The following EIF4ENIF1 variants were observed in gnomAD, a reference collection of about 807,000 sequenced individuals.
EIF4ENIF1 encodes the protein eukaryotic translation initiation factor 4E transporter.
EIF4ENIF1 carries 23 observed loss-of-function variants against 110.5 expected under a neutral mutation model. The ratio of observed to expected loss-of-function variants is 0.21; its 90% CI spans 0.15 to 0.29. The LOEUF (loss-of-function observed/expected upper bound fraction) is 0.29, where lower values mean the gene tolerates loss of function less well. Among genes scored for constraint, EIF4ENIF1 ranks in the 10% least tolerant of loss-of-function variants. The pLI, the probability that EIF4ENIF1 is intolerant of heterozygous loss-of-function variation, is 1.00. For missense variants in EIF4ENIF1, 1,031 were observed against 1,221.1 expected, an observed-to-expected ratio of 0.84 and a Z score of 2.32; for synonymous variants, 440 against 437.0, an observed-to-expected ratio of 1.01 and a Z score of -0.09.
Position 31,445,953 on chromosome 22 carries a change from GCCCCC to G in EIF4ENIF1, c.1989-1268_1989-1264del. On this transcript the variant is annotated intron_variant, in intron 14 of 18. Transcript: ENST00000330125. The stretch of plus-strand genomic sequence containing the variant: ...TATCTGTAAAATGCAGTTACGTACC[GCCCCC>G]CCCCCCCATCTACCTCACAGGGTTG... 4.1e-5 allele frequency among the ~76,000 whole-genome samples: 4 copies of G among 97,452 alleles called. No homozygotes were observed. The Middle Eastern group carries it at 0.022, about 530-fold the overall frequency. The allele number at this position is 97,452 out of a possible 152,430, so 63.9% of individuals were successfully genotyped here.
intron 14 of EIF4ENIF1, among the ~76,000 whole-genome samples, chr22:31,445,940 G>GTAAAAT (rs1272923394): frequency 6.8e-6 from 1 of 147,552 alleles, no homozygotes. Context: ...TCTGTAAAAT[G>GTAAAAT]CAGTTACGTA....
At chr22:31,487,459 CCAAT>C (rs1388400676) in intron 2 of EIF4ENIF1, among the ~76,000 whole-genome samples, 1 of 152,120 alleles carries the variant, frequency 6.6e-6, no homozygotes, top group Non-Finnish European at 1.5e-5. Flanking sequence ...AAAGCATTAA[CCAAT>C]CAGTATCCCA....
chr22:31,471,013 G>A (rs145342461), intron 3 of EIF4ENIF1, among the ~76,000 whole-genome samples: 23 of 147,272 alleles, frequency 1.6e-4, no homozygotes, highest in African/African-American at 4.8e-4. Context: ...ACTCTGTCTC[G>A]GACAAAAAAA....
In EIF4ENIF1 at chr22:31,471,565, T is replaced by C. The variant is rs996790434; in HGVS notation, c.170+279A>G. On this transcript the variant is annotated intron_variant, in intron 3 of 18. Transcript: ENST00000330125. ...TCCTGACCTCGTGATCCGCCTGCCTTGGCCTCCCAAAGTGCTGGGATTACA... is the reference window on the plus strand; with the variant it reads ...TCCTGACCTCGTGATCCGCCTGCCTCGGCCTCCCAAAGTGCTGGGATTACA... 2.0e-4 allele frequency among the ~76,000 whole-genome samples: 30 copies of C among 152,158 alleles called. 1 individual carries two copies. The highest frequency in any genetic ancestry group is 1.9e-3 in the Admixed American group (29 of 15,266).
At chr22:31,447,646 A>G in intron 13 of EIF4ENIF1, 81 bp from the exon 14 acceptor site, 1 of 1,467,746 alleles carries the variant, frequency 6.8e-7, no homozygotes, top group East Asian at 2.4e-5. Flanking sequence ...ACTCTTAGAA[A>G]GGTATGTTAA....
intron 3 of EIF4ENIF1, among the ~76,000 whole-genome samples, chr22:31,469,291 T>C (rs930581977): frequency 1.3e-5 from 2 of 152,184 alleles, no homozygotes; most frequent in Non-Finnish European, 2.9e-5. Context: ...GACCAGGCCA[T>C]GCTATACACT....
intron 17 of EIF4ENIF1, among the ~76,000 whole-genome samples, chr22:31,441,550 GAAAAAAA>G (rs771597260): frequency 7.0e-4 from 46 of 65,254 alleles, no homozygotes; most frequent in Middle Eastern, 0.012. Context: ...CTACAAAAAG[GAAAAAAA>G]AAAAAAAAAA....
chr22:31,440,004 G>A lies in EIF4ENIF1; in HGVS notation c.2834C>T (p.Pro945Leu). The change falls in exon 19 of 19, where the codon CCC becomes CTC. Residue 945 changes from proline (P) to leucine (L), a missense_variant. Pro to Leu is a moderately conservative substitution (Grantham distance 98). This residue lies in a region of EIF4ENIF1 where 309 missense variants were observed against 299.1 expected (regional missense o/e 1.03). Transcript: ENST00000330125. ...CACAGGGGAGCTGCTCCTCTGGCTG[G>A]GGCGATGCTCCAGCTGGGAGTGCAT... ...PHMHSQLEHR[P>L]SQRSSSPVGL... 6.2e-7 allele frequency: 1 copy of A among 1,613,988 alleles called. No individual in the cohort carries two copies. The highest frequency in any genetic ancestry group is 8.5e-7 in the Non-Finnish European group (1 of 1,179,918).
downstream of EIF4ENIF1, among the ~76,000 whole-genome samples, chr22:31,438,825 C>T (rs1320155958): frequency 6.6e-6 from 1 of 151,920 alleles, no homozygotes; most frequent in African/African-American, 2.4e-5. Context: ...CAGGTTCAGG[C>T]GATTCTTCTG....
In EIF4ENIF1 at chr22:31,464,689, AAAAAAAAAAAATAT is replaced by A. The variant is rs1314482865; in HGVS notation, c.299-736_299-723del. Among the ~76,000 whole-genome samples the A allele has an allele frequency of 3.5e-4, 16 of 46,200 alleles. 1 individual carries two copies. Among genetic ancestry groups the A allele is most frequent in the Non-Finnish European group, 7.5e-4 (13 of 17,278 alleles). The allele number at this position is 46,200 out of a possible 152,430, so 30.3% of individuals were successfully genotyped here. A position where few individuals can be genotyped will look rare whatever the true frequency, so the allele number is the denominator to read the frequency against. On this transcript the variant is annotated intron_variant, in intron 4 of 18. Transcript: ENST00000330125. ...AGATTCAGTCTCAAAAAAAAAAAAAAAAAAAAAAAAATATATATATATATATATATATATATAAA... is the reference window on the plus strand; with the variant it reads ...AGATTCAGTCTCAAAAAAAAAAAAAAATATATATATATATATATATATAAA...
intron 10 of EIF4ENIF1, among the ~76,000 whole-genome samples, chr22:31,452,869 G>C (rs189382909): frequency 1.3e-5 from 2 of 152,338 alleles, no homozygotes; most frequent in Non-Finnish European, 2.9e-5. Context: ...TTCAAGTGTA[G>C]GTCAGTCCTG....
chr22:31,465,969 G>C (rs993855404), intron 4 of EIF4ENIF1, among the ~76,000 whole-genome samples: 4 of 152,160 alleles, frequency 2.6e-5, no homozygotes, highest in African/African-American at 9.6e-5. Flanking sequence ...TATAGAAACA[G>C]AAAGCAGATA....
Position 31,463,752 on chromosome 22 carries a change from G to A in EIF4ENIF1, c.514C>T (p.Leu172Phe). Residue 172 changes from leucine to phenylalanine, a missense_variant, in exon 5 of 19, where the codon CTT becomes TTT. By Grantham distance (22) the Leu-to-Phe change is conservative. Around this residue, in one of 3 missense-constraint regions of EIF4ENIF1, gnomAD observed 704 missense variants for 879.7 expected, o/e 0.80. Transcript: ENST00000330125. ...SARTFEKDHR[L>F]SDKDLRDLRD... ...AAGTCCCGCAGGTCCTTATCGCTAA[G>A]ACGGTGATCCTTCTCAAAGGTCCGG... is the stretch of plus-strand genomic sequence containing the variant. 1 of 1,612,398 alleles carries A rather than the reference G, an allele frequency of 6.2e-7. No individual in the cohort carries two copies. The highest frequency in any genetic ancestry group is 8.5e-7 in the Non-Finnish European group (1 of 1,179,610).
At chr22:31,489,649 G>A (rs2052188378) in intron 1 of EIF4ENIF1, 45 bp downstream of exon 1, 1 of 137,040 alleles carries the variant, frequency 7.3e-6, no homozygotes. Context: ...GGAGCACCGG[G>A]CGCGCGGTGC....
intron 16 of EIF4ENIF1, 82 bp downstream of exon 16, chr22:31,442,880 A>G (rs1387001613): frequency 2.6e-6 from 4 of 1,555,260 alleles, no homozygotes; most frequent in East Asian, 2.2e-5. Context: ...TTTGTATAGA[A>G]TATCAGGCTG....
intron 14 of EIF4ENIF1, 107 bp from the exon 15 acceptor site, chr22:31,444,797 T>G: frequency 9.8e-7 from 1 of 1,025,336 alleles, no homozygotes; most frequent in South Asian, 1.3e-5. Context: ...CCCCTTTCCC[T>G]TATCCAATTC....
rs1257877421 is a variant in EIF4ENIF1, at chr22:31,439,714, A to G, written c.*166T>C. On this transcript the variant is annotated 3_prime_UTR_variant, in exon 19 of 19. Transcript: ENST00000330125. ...CAATGTACACTCCACTCGACTGGTT[A>G]AGATCCTTCCATCATAATGCGGACC... 4.3e-6 allele frequency: 4 copies of G among 923,114 alleles called. No homozygotes were observed. The highest frequency in any genetic ancestry group is 3.2e-6 in the Non-Finnish European group (2 of 632,270). 57.2% of individuals were successfully genotyped at this position (923,114 alleles called of 1,614,324 possible).
chr22:31,488,339 T>C (rs2052123718), intron 2 of EIF4ENIF1, among the ~76,000 whole-genome samples: 1 of 152,134 alleles, frequency 6.6e-6, no homozygotes, highest in South Asian at 2.1e-4. Context: ...ACCAATTACA[T>C]AGCTGTTACA....
chr22:31,493,392 A>C (rs1028986592), upstream of EIF4ENIF1, among the ~76,000 whole-genome samples: 2 of 151,844 alleles, frequency 1.3e-5, no homozygotes, highest in Non-Finnish European at 2.9e-5. Flanking sequence ...GCAGTGGCAC[A>C]ATCGGCTCAC....
Sources: allele counts gnomAD v4.1 joint callset (sites outside exome capture counted in the v4.1 genomes callset), GRCh38; gene constraint gnomAD v4.1.1; regional missense constraint gnomAD v4.1.1; transcripts MANE v1.5; gene names NCBI Gene and HGNC (gene_info 2026-07-23, HGNC 2026-07-21).